The following SYT1 variants were observed in gnomAD, a reference collection of about 807,000 sequenced individuals.
The protein encoded by SYT1 is synaptotagmin 1, also known as synaptotagmin-1.
Under a neutral mutation model 44.8 loss-of-function variants are expected in SYT1, and 8 were observed. The observed-to-expected ratio is 0.18, with a 90% CI of 0.10 to 0.32. The LOEUF is 0.32. Ranked by LOEUF, SYT1 falls within the 10% of genes least tolerant of loss-of-function variation. The pLI is 1.00. For synonymous variants in SYT1, 154 were observed against 188.8 expected (o/e 0.82, Z 1.51); for missense variants, 286 against 509.3 (o/e 0.56, Z 4.22).
chr12:79,013,363 G>A (rs138645389), intron 2 of SYT1, among the ~76,000 whole-genome samples: 68 of 152,188 alleles, frequency 4.5e-4, no homozygotes, highest in Non-Finnish European at 3.4e-4. Flanking sequence ...CACTGAGTGG[G>A]TTCATCAAAT....
chr12:79,157,633 A>G (rs1870682186), intron 3 of SYT1, among the ~76,000 whole-genome samples: 1 of 152,148 alleles, frequency 6.6e-6, no homozygotes, highest in Non-Finnish European at 1.5e-5. Context: ...AAATGTCAGG[A>G]ACTAGATTGG....
intron 8 of SYT1, among the ~76,000 whole-genome samples, chr12:79,318,722 T>C (rs1232397917): frequency 3.3e-5 from 5 of 152,192 alleles, no homozygotes; most frequent in Non-Finnish European, 7.3e-5. Flanking sequence ...TCCGACAAGG[T>C]GCTTCCCTGA....
chr12:78,913,908 A>G (rs954049646), intron 1 of SYT1, among the ~76,000 whole-genome samples: 1 of 151,806 alleles, frequency 6.6e-6, no homozygotes, highest in Admixed American at 6.6e-5. Context: ...AAATTTAAGT[A>G]TCTTGGGAAA....
chr12:78,935,228 T>C (rs1262652162), intron 1 of SYT1, among the ~76,000 whole-genome samples: 1 of 152,152 alleles, frequency 6.6e-6, no homozygotes, highest in Non-Finnish European at 1.5e-5. Flanking sequence ...ACTGATTGCA[T>C]TTTCCATGAA....
Position 79,421,504 on chromosome 12 carries a change from C to A in SYT1, c.929-22569C>A, listed in dbSNP as rs151021965. Reference sequence around the variant, plus strand: ...CATAGCTATTCTAAAGGTGGCTACACCATCATTACTAACCATTCTGGCCAG... The same window carrying A: ...CATAGCTATTCTAAAGGTGGCTACAACATCATTACTAACCATTCTGGCCAG... On this transcript the variant is annotated intron_variant, in intron 9 of 10. Transcript: ENST00000261205. Among the ~76,000 whole-genome samples, 491 of 152,202 alleles carry A rather than the reference C, an allele frequency of 3.2e-3. 3 individuals carry two copies. The highest frequency in any genetic ancestry group is 0.011 in the African/African-American group (469 of 41,546).
At chr12:79,166,517 G>T (rs1252827248) in intron 3 of SYT1, among the ~76,000 whole-genome samples, 1 of 151,866 alleles carries the variant, frequency 6.6e-6, no homozygotes, top group African/African-American at 2.4e-5. Flanking sequence ...GAAAAAATGA[G>T]AAAATGAATA....
chr12:79,279,011 TAA>T (rs201517841), intron 4 of SYT1, among the ~76,000 whole-genome samples: 1,679 of 128,118 alleles, frequency 0.013, 30 homozygotes, highest in African/African-American at 0.044. Context: ...GAATTAATAC[TAA>T]AAAAAAAAAA....
intron 5 of SYT1, 169 bp from the exon 6 acceptor site, chr12:79,291,839 G>A (rs573925134): frequency 2.3e-6 from 2 of 880,170 alleles, no homozygotes; most frequent in Non-Finnish European, 1.8e-6. Context: ...GTGCACAAAA[G>A]GAATTTAAAA....
rs547426949 is a variant in SYT1, at chr12:79,020,559, G to A, written c.-83-26738G>A. Among the ~76,000 whole-genome samples the A allele has an allele frequency of 3.3e-5, 5 of 152,040 alleles. No individual in the cohort carries two copies. In the East Asian group the frequency reaches 9.7e-4, roughly 29 times the overall value. Reference sequence around the variant, plus strand: ...AAAAAAGTATGTGCTGAAACTTAGAGAAGTGTGATTTCTTTATTCTCTGCA... The same window carrying A: ...AAAAAAGTATGTGCTGAAACTTAGAAAAGTGTGATTTCTTTATTCTCTGCA... On this transcript the variant is annotated intron_variant, in intron 2 of 10. Coordinates refer to ENST00000261205, the MANE Select transcript of SYT1 (RefSeq NM_005639.3).
intron 1 of SYT1, among the ~76,000 whole-genome samples, chr12:78,901,819 T>C (rs1179673298): frequency 1.3e-5 from 2 of 152,120 alleles, no homozygotes; most frequent in Non-Finnish European, 2.9e-5. Context: ...TGGAGAGTAC[T>C]CTTAATGGAT....
At chr12:78,982,893 A>G (rs977639940) in intron 2 of SYT1, among the ~76,000 whole-genome samples, 2 of 152,108 alleles carry the variant, frequency 1.3e-5, no homozygotes, top group African/African-American at 2.4e-5. Context: ...TTGTTTCTTC[A>G]ATGTTTTTAT....
chr12:79,237,275 C>A (rs555649521), intron 4 of SYT1, among the ~76,000 whole-genome samples: 1 of 151,982 alleles, frequency 6.6e-6, no homozygotes, highest in Admixed American at 6.6e-5. Flanking sequence ...TTGGACAATA[C>A]GAGAAAGAGT....
intron 8 of SYT1, among the ~76,000 whole-genome samples, chr12:79,320,197 G>A (rs773033439): frequency 1.9e-4 from 29 of 152,234 alleles, no homozygotes; most frequent in Admixed American, 7.2e-4. Flanking sequence ...TCCCTAAAAT[G>A]TACTGCGATG....
intron 1 of SYT1, among the ~76,000 whole-genome samples, chr12:78,943,510 T>G (rs1193917011): frequency 6.6e-6 from 1 of 152,102 alleles, no homozygotes; most frequent in African/African-American, 2.4e-5. Flanking sequence ...AAGGACATGG[T>G]GCTAAACCAT....
intron 1 of SYT1, among the ~76,000 whole-genome samples, chr12:78,956,456 G>A (rs113636255): frequency 7.9e-5 from 12 of 151,898 alleles, no homozygotes; most frequent in African/African-American, 2.9e-4. Context: ...ATGGTTAACT[G>A]AGTTAATATC....
At chr12:79,012,339 A>G (rs1871469826) in intron 2 of SYT1, among the ~76,000 whole-genome samples, 3 of 152,106 alleles carry the variant, frequency 2.0e-5, no homozygotes, top group African/African-American at 4.8e-5. Context: ...TATCTATTAC[A>G]GAAGACAACT....
chr12:79,258,140 C>T lies in SYT1; in HGVS notation c.167-27647C>T, dbSNP rs78869150. ...GAATATCTCATTCTCAGAAGAAAGT[C>T]AGCTAAAGTACACCTTTATTTTACA... On this transcript the variant is annotated intron_variant, in intron 4 of 10. Coordinates refer to ENST00000261205, the MANE Select transcript of SYT1 (RefSeq NM_005639.3). Among the ~76,000 whole-genome samples the T allele has an allele frequency of 7.8e-4, 119 of 152,266 alleles. No individual in the cohort carries two copies. The East Asian group carries it at 0.013, about 17-fold the overall frequency.
At chr12:79,280,027 T>C (rs1878960180) in intron 4 of SYT1, among the ~76,000 whole-genome samples, 1 of 152,094 alleles carries the variant, frequency 6.6e-6, no homozygotes, top group South Asian at 2.1e-4. Context: ...CCCATGTTCA[T>C]GGATTAAAAG....
At chr12:79,388,077 T>C (rs1431302009) in intron 9 of SYT1, among the ~76,000 whole-genome samples, 1 of 152,232 alleles carries the variant, frequency 6.6e-6, no homozygotes, top group Non-Finnish European at 1.5e-5. Context: ...TCATAAACAC[T>C]TAATAAATGT....
Sources: allele counts gnomAD v4.1 joint callset (sites outside exome capture counted in the v4.1 genomes callset), GRCh38; gene constraint gnomAD v4.1.1; transcripts MANE v1.5; gene names NCBI Gene and HGNC (gene_info 2026-07-23, HGNC 2026-07-21).